AGAP1: variants seen among roughly 807,000 people sequenced by gnomAD.
AGAP1 encodes ArfGAP with GTPase domain, ankyrin repeat and PH domain 1.
AGAP1 carries 29 observed loss-of-function variants against 105.3 expected under a neutral mutation model. The observed-to-expected ratio is 0.28, with a 90% CI of 0.21 to 0.38. The LOEUF is 0.38. Among genes scored for constraint, AGAP1 ranks in the 10% least tolerant of loss-of-function variants. The pLI, the probability that AGAP1 is intolerant of heterozygous loss-of-function variation, is 1.00. For synonymous variants in AGAP1, 509 were observed against 485.9 expected, an observed-to-expected ratio of 1.05 and a Z score of -0.63; for missense variants, 998 against 1,165.1, an observed-to-expected ratio of 0.86 and a Z score of 2.09.
rs935853959 is a variant in AGAP1 at position 235,599,261 on chromosome 2, C to A, written c.163+104412C>A. On this transcript the variant is annotated intron_variant, in intron 1 of 17. Coordinates refer to ENST00000304032, the MANE Select transcript of AGAP1 (RefSeq NM_001037131.3). This position sits in a 1 kb window ranked among gnomAD's most constrained non-coding sequence, Gnocchi z 5.3. ...AGCTGTTCATTTCGGTGGCCGAGGG[C>A]CTGTGGGCTGCAGTACGTTTACACT... 6.6e-6 allele frequency among the ~76,000 whole-genome samples: 1 copy of A among 152,092 alleles called. No homozygotes were observed. The highest frequency in any genetic ancestry group is 6.5e-5 in the Admixed American group (1 of 15,270).
chr2:235,606,815 G>A (rs1945953621), intron 1 of AGAP1, among the ~76,000 whole-genome samples: 1 of 152,018 alleles, frequency 6.6e-6, no homozygotes, highest in African/African-American at 2.4e-5. Flanking sequence ...CTGGCATGGT[G>A]GCGCACGCCT....
chr2:236,098,205 G>T (rs944490608), intron 16 of AGAP1, among the ~76,000 whole-genome samples: 5 of 152,174 alleles, frequency 3.3e-5, no homozygotes, highest in African/African-American at 1.2e-4. Context: ...ATACCTAGAA[G>T]TGGGATTGCT....
rs373997530 is a variant in AGAP1 at position 235,927,140 on chromosome 2, G to A, written c.1325-3625G>A. Among the ~76,000 whole-genome samples, 4 of 152,252 alleles carry A rather than the reference G, an allele frequency of 2.6e-5. No homozygotes were observed. The highest frequency in any genetic ancestry group is 2.1e-4 in the South Asian group (1 of 4,812). ...AGTCATGCTGTTTCAGTGTAGTCCC[G>A]CAGTGGGAAGTGGGTGTGGCTGGGG... On this transcript the variant is annotated intron_variant, in intron 11 of 17. Coordinates refer to ENST00000304032, the MANE Select transcript of AGAP1 (RefSeq NM_001037131.3). This position sits in a 1 kb window ranked among gnomAD's most constrained non-coding sequence, Gnocchi z 4.4.
At chr2:235,923,494 C>A (rs1559651017) in intron 11 of AGAP1, among the ~76,000 whole-genome samples, 1 of 150,928 alleles carries the variant, frequency 6.6e-6, no homozygotes, top group Non-Finnish European at 1.5e-5. Context: ...TCATGGACCC[C>A]TTCCTGTCCC....
At chr2:235,526,883 T>C (rs1942860178) in intron 1 of AGAP1, among the ~76,000 whole-genome samples, 1 of 152,116 alleles carries the variant, frequency 6.6e-6, no homozygotes, top group Non-Finnish European at 1.5e-5. Flanking sequence ...CAGAAACAAA[T>C]AGGAAAGCTT....
At chr2:236,067,256 G>A (rs2058370089) in intron 16 of AGAP1, among the ~76,000 whole-genome samples, 1 of 152,054 alleles carries the variant, frequency 6.6e-6, no homozygotes. Flanking sequence ...TGCCTCATCA[G>A]GATGATTTCA....
intron 5 of AGAP1, among the ~76,000 whole-genome samples, chr2:235,745,908 C>A (rs553772692): frequency 3.9e-5 from 6 of 152,300 alleles, no homozygotes; most frequent in Admixed American, 2.0e-4. Flanking sequence ...CAGGTGGGAT[C>A]AGTTGAAGTC....
Position 235,655,795 on chromosome 2 carries a change from A to G in AGAP1, c.164-53384A>G, listed in dbSNP as rs181065086. 4.1e-4 allele frequency among the ~76,000 whole-genome samples: 63 copies of G among 152,342 alleles called. No homozygotes were observed. Among genetic ancestry groups the G allele is most frequent in the African/African-American group, 1.4e-3 (60 of 41,576 alleles). On this transcript the variant is annotated intron_variant, in intron 1 of 17. Coordinates refer to ENST00000304032, the MANE Select transcript of AGAP1 (RefSeq NM_001037131.3). This position sits in a 1 kb window ranked among gnomAD's most constrained non-coding sequence, Gnocchi z 4.3. Reference sequence around the variant, plus strand: ...ACATTTCCAAAAGCATGATTTATTCAGGATTAAGTTTATTCAGTAGAAATT... The same window carrying G: ...ACATTTCCAAAAGCATGATTTATTCGGGATTAAGTTTATTCAGTAGAAATT...
In AGAP1 at chr2:236,046,287, G is replaced by T. The variant is rs1356130817; in HGVS notation, c.1892-2772G>T. 5.9e-5 allele frequency among the ~76,000 whole-genome samples: 9 copies of T among 152,142 alleles called. No homozygotes were observed. The highest frequency in any genetic ancestry group is 1.3e-4 in the Non-Finnish European group (9 of 68,014). ...GAGAGGTGCTAGGTTTTGAGCGGTG[G>T]TGTGACATGATCAGAGATGCCGTGT... is the stretch of plus-strand genomic sequence containing the variant. On this transcript the variant is annotated intron_variant, in intron 15 of 17. Coordinates refer to ENST00000304032, the MANE Select transcript of AGAP1 (RefSeq NM_001037131.3). This position sits in a 1 kb window ranked among gnomAD's most constrained non-coding sequence, Gnocchi z 5.2.
At chr2:235,624,834 T>G (rs1384179578) in intron 1 of AGAP1, among the ~76,000 whole-genome samples, 5 of 152,156 alleles carry the variant, frequency 3.3e-5, no homozygotes, top group African/African-American at 1.2e-4. Context: ...CCCTTGGTGA[T>G]GAGCGAGTTC....
chr2:235,886,038 A>C lies in AGAP1; in HGVS notation c.1155+2589A>C, dbSNP rs561891712. On this transcript the variant is annotated intron_variant, in intron 10 of 17. Coordinates refer to ENST00000304032, the MANE Select transcript of AGAP1 (RefSeq NM_001037131.3). ...GCATCTCTCCAGGACTGCCCCATGT[A>C]GGTCTCCAGTTCTGCAGCCCTCTCC... Among the ~76,000 whole-genome samples the C allele has an allele frequency of 8.7e-4, 132 of 152,226 alleles. 1 individual carries two copies. Among genetic ancestry groups the C allele is most frequent in the African/African-American group, 3.1e-3 (128 of 41,556 alleles).
chr2:235,827,437 T>C (rs553648618), intron 9 of AGAP1, among the ~76,000 whole-genome samples: 2 of 152,284 alleles, frequency 1.3e-5, no homozygotes, highest in South Asian at 4.1e-4. Context: ...TACTTGATAT[T>C]TCTCCTGGTA....
At chr2:235,819,996 C>T (rs971307449) in intron 9 of AGAP1, among the ~76,000 whole-genome samples, 2 of 151,398 alleles carry the variant, frequency 1.3e-5, no homozygotes, top group Admixed American at 6.6e-5. Context: ...CTCCGCCTCC[C>T]AGGTTCAAGT....
At chr2:235,968,966 T>A (rs2125346549) in intron 13 of AGAP1, among the ~76,000 whole-genome samples, 1 of 152,292 alleles carries the variant, frequency 6.6e-6, no homozygotes, top group South Asian at 2.1e-4. Context: ...AGGTGGGCCA[T>A]GCTGCGTGAC....
At chr2:235,718,092 C>T (rs927664572) in intron 3 of AGAP1, among the ~76,000 whole-genome samples, 1 of 152,124 alleles carries the variant, frequency 6.6e-6, no homozygotes, top group Non-Finnish European at 1.5e-5. Flanking sequence ...ATGTTTCCCC[C>T]CTTATATTAT....
Position 235,936,265 on chromosome 2 carries a change from AT to A in AGAP1, c.1483+5343del, listed in dbSNP as rs1266118148. 6.6e-6 allele frequency among the ~76,000 whole-genome samples: 1 copy of A among 151,998 alleles called. No homozygotes were observed. Among genetic ancestry groups the A allele is most frequent in the Non-Finnish European group, 1.5e-5 (1 of 67,994 alleles). ...CTCGTCACCATCGAGCACAAACACCATGTCCATCTTCCACATGGAAGGAGTG... is the reference window on the plus strand; with the variant it reads ...CTCGTCACCATCGAGCACAAACACCAGTCCATCTTCCACATGGAAGGAGTG... On this transcript the variant is annotated intron_variant, in intron 12 of 17. Coordinates refer to ENST00000304032, the MANE Select transcript of AGAP1 (RefSeq NM_001037131.3). The surrounding 1 kb of genome is among the most constrained non-coding windows in gnomAD (Gnocchi z 4.7).
chr2:235,496,099 C>G (rs1941308855), intron 1 of AGAP1, among the ~76,000 whole-genome samples: 1 of 152,198 alleles, frequency 6.6e-6, no homozygotes, highest in African/African-American at 2.4e-5. Flanking sequence ...TGGTTTGAAA[C>G]TTGGCCAGTT....
chr2:235,974,355 A>G (rs2054772924), intron 13 of AGAP1, among the ~76,000 whole-genome samples: 2 of 152,228 alleles, frequency 1.3e-5, no homozygotes, highest in South Asian at 2.1e-4. Context: ...TGACTTTTAT[A>G]TGGCTCATAA....
chr2:235,969,390 A>G (rs1327619365), intron 13 of AGAP1, among the ~76,000 whole-genome samples: 2 of 152,180 alleles, frequency 1.3e-5, no homozygotes, highest in African/African-American at 2.4e-5. Context: ...TAAAAGGAAA[A>G]ATTAAAGTTT....
Sources: gnomAD v4.1 joint callset for allele counts (sites outside exome capture counted in the v4.1 genomes callset) on GRCh38, gnomAD v4.1.1 for gene constraint, Gnocchi (gnomAD v3.1) non-coding constraint, MANE v1.5 for transcripts, NCBI Gene and HGNC (gene_info 2026-07-23, HGNC 2026-07-21) for gene names.